NRCAM: variants seen among roughly 807,000 people sequenced by gnomAD.
The protein encoded by NRCAM is NgCAM-related cell adhesion molecule.
Under a neutral mutation model 156.5 loss-of-function variants are expected in NRCAM, and 83 were observed. That is an observed-to-expected ratio of 0.53 (90% CI 0.44 to 0.64). The LOEUF is 0.64. NRCAM is among the 30% of genes least tolerant of loss of function. The pLI is 0.00. For synonymous variants in NRCAM, 538 were observed against 563.9 expected, an observed-to-expected ratio of 0.95 and a Z score of 0.65; for missense variants, 1,417 against 1,597.3, an observed-to-expected ratio of 0.89 and a Z score of 1.92.
chr7:108,444,969 A>T (rs1486658258), intron 1 of NRCAM, among the ~76,000 whole-genome samples: 1 of 152,174 alleles, frequency 6.6e-6, no homozygotes, highest in African/African-American at 2.4e-5. Context: ...AAATACCTCA[A>T]CTGTATATAC....
intron 32 of NRCAM, chr7:108,159,214 G>T: frequency 1.5e-6 from 1 of 662,436 alleles, no homozygotes. Flanking sequence ...ATGGTCCCAT[G>T]GAAAATATGA....
At chr7:108,184,054 G>T (rs1182625440) in intron 22 of NRCAM, among the ~76,000 whole-genome samples, 187 bp downstream of exon 22, 1 of 151,956 alleles carries the variant, frequency 6.6e-6, no homozygotes, top group Non-Finnish European at 1.5e-5. Context: ...TGACTCCAGA[G>T]CTCAAGCTTT....
At chr7:108,337,663 C>G (rs2099214513) in intron 2 of NRCAM, among the ~76,000 whole-genome samples, 3 of 152,176 alleles carry the variant, frequency 2.0e-5, no homozygotes, top group Admixed American at 2.0e-4. Context: ...TCGCAAGGCC[C>G]AAGATTCCAT....
chr7:108,339,624 C>T (rs923504932), intron 2 of NRCAM, among the ~76,000 whole-genome samples: 2 of 151,946 alleles, frequency 1.3e-5, no homozygotes, highest in Non-Finnish European at 2.9e-5. Context: ...TTAAGAAAGG[C>T]GGGAAAACAG....
chr7:108,323,155 C>T (rs372246278), intron 2 of NRCAM, among the ~76,000 whole-genome samples: 4 of 152,156 alleles, frequency 2.6e-5, no homozygotes, highest in African/African-American at 7.2e-5. Context: ...CTAATACAAG[C>T]GCCCTCTGAC....
chr7:108,343,417 T>C (rs928435361), intron 2 of NRCAM, among the ~76,000 whole-genome samples: 1 of 152,092 alleles, frequency 6.6e-6, no homozygotes, highest in African/African-American at 2.4e-5. Flanking sequence ...AGTCTTACAC[T>C]GCTGGGGTCA....
At chr7:108,311,789 G>C (rs183348679) in intron 3 of NRCAM, among the ~76,000 whole-genome samples, 1 of 152,116 alleles carries the variant, frequency 6.6e-6, no homozygotes, top group Non-Finnish European at 1.5e-5. Flanking sequence ...TCAGTAACAA[G>C]AGACAACATG....
chr7:108,236,309 T>C (rs1309952051), intron 5 of NRCAM, among the ~76,000 whole-genome samples: 1 of 152,210 alleles, frequency 6.6e-6, no homozygotes, highest in East Asian at 1.9e-4. Context: ...AATCAAAAGC[T>C]AGCCTCATTA....
At chr7:108,267,113 G>A (rs539629211) in intron 3 of NRCAM, among the ~76,000 whole-genome samples, 8 of 152,320 alleles carry the variant, frequency 5.3e-5, no homozygotes, top group African/African-American at 1.9e-4. Flanking sequence ...CATTACATGA[G>A]AGAAAACTCT....
At chr7:108,155,794 T>A (rs895616896) in intron 32 of NRCAM, among the ~76,000 whole-genome samples, 3 of 152,040 alleles carry the variant, frequency 2.0e-5, no homozygotes, top group Non-Finnish European at 2.9e-5. Flanking sequence ...TTTTAGAAAA[T>A]TTTTTTAAAA....
At chr7:108,389,837 T>C (rs1266884394) in intron 2 of NRCAM, among the ~76,000 whole-genome samples, 2 of 152,234 alleles carry the variant, frequency 1.3e-5, no homozygotes, top group Non-Finnish European at 2.9e-5. Context: ...TCTTTGGTTC[T>C]GTTTATATGC....
At chr7:108,444,962 T>C (rs1842709028) in intron 1 of NRCAM, among the ~76,000 whole-genome samples, 1 of 152,164 alleles carries the variant, frequency 6.6e-6, no homozygotes, top group Non-Finnish European at 1.5e-5. Context: ...AAATGCAAAA[T>C]ACCTCAACTG....
At chr7:108,414,776 G>A (rs147011029) in intron 1 of NRCAM, among the ~76,000 whole-genome samples, 4 of 152,292 alleles carry the variant, frequency 2.6e-5, no homozygotes, top group East Asian at 1.9e-4. Flanking sequence ...TTAAAAAAAC[G>A]CTGGGAAGAC....
chr7:108,245,067 C>T (rs1360856557), intron 3 of NRCAM, among the ~76,000 whole-genome samples: 1 of 152,156 alleles, frequency 6.6e-6, no homozygotes, highest in Admixed American at 6.5e-5. Flanking sequence ...CTTATCTTCC[C>T]AACAATTCCA....
At chr7:108,326,618 G>GAA in intron 2 of NRCAM, among the ~76,000 whole-genome samples, 1 of 152,260 alleles carries the variant, frequency 6.6e-6, no homozygotes, top group Admixed American at 6.5e-5. Context: ...AGAAAATTCA[G>GAA]AATGAAAAGA....
chr7:108,175,812 T>G (rs1426406909), intron 27 of NRCAM, among the ~76,000 whole-genome samples: 2 of 152,168 alleles, frequency 1.3e-5, no homozygotes, highest in African/African-American at 4.8e-5. Flanking sequence ...CAGAATAACT[T>G]TTTAAAGTAT....
upstream of NRCAM, chr7:108,456,621 C>G (rs1857664067): frequency 6.6e-6 from 1 of 152,200 alleles, no homozygotes; most frequent in Non-Finnish European, 1.5e-5. Flanking sequence ...GCGACGGCAG[C>G]GAATGGGCTC....
intron 8 of NRCAM, among the ~76,000 whole-genome samples, chr7:108,230,451 A>G (rs915635428): frequency 1.3e-5 from 2 of 152,168 alleles, no homozygotes; most frequent in Non-Finnish European, 2.9e-5. Context: ...TATTTCAGAT[A>G]AAGTCACTCC....
chr7:108,170,350 C>A (rs1164993560), intron 28 of NRCAM, among the ~76,000 whole-genome samples: 1 of 152,140 alleles, frequency 6.6e-6, no homozygotes, highest in Non-Finnish European at 1.5e-5. Flanking sequence ...GAAAATAAAT[C>A]TTTGGGCCCC....
Sources: gnomAD v4.1 joint callset for allele counts (sites outside exome capture counted in the v4.1 genomes callset) on GRCh38, gnomAD v4.1.1 for gene constraint, MANE v1.5 for transcripts, NCBI Gene and HGNC (gene_info 2026-07-23, HGNC 2026-07-21) for gene names.